The following PRKCH variants were observed in gnomAD, a reference collection of about 807,000 sequenced individuals.
PRKCH encodes the protein protein kinase C eta type.
Under a neutral mutation model 82.5 loss-of-function variants are expected in PRKCH, and 28 were observed. The observed-to-expected ratio is 0.34, with a 90% CI of 0.25 to 0.47. PRKCH has a LOEUF of 0.47. Ranked by LOEUF, PRKCH falls within the 20% of genes least tolerant of loss-of-function variation. The probability of loss-of-function intolerance (pLI) is 1.00; values close to 1 mark genes in which losing one functional copy is unlikely to be tolerated. For missense variants in PRKCH, 705 were observed against 881.8 expected (o/e 0.80, Z 2.54); for synonymous variants, 322 against 327.4 (o/e 0.98, Z 0.18).
intron 2 of PRKCH, among the ~76,000 whole-genome samples, chr14:61,424,691 A>C (rs1381353013): frequency 1.3e-5 from 2 of 152,254 alleles, no homozygotes; most frequent in Non-Finnish European, 2.9e-5. Flanking sequence ...CTGGCTGCAG[A>C]AATTTGCGTA....
intron 12 of PRKCH, 133 bp from the exon 13 acceptor site, chr14:61,547,610 A>T (rs1254005581): frequency 8.6e-7 from 1 of 1,160,286 alleles, no homozygotes; most frequent in Non-Finnish European, 1.2e-6. Flanking sequence ...CCTGTGATGG[A>T]AAACCCAGCT....
At chr14:61,433,986 A>G (rs1168445460) in intron 2 of PRKCH, among the ~76,000 whole-genome samples, 4 of 152,244 alleles carry the variant, frequency 2.6e-5, no homozygotes, top group Admixed American at 2.0e-4. Context: ...AATGACAACA[A>G]TAAATCAAAA....
At chr14:61,363,206 A>G (rs1342876294) in intron 1 of PRKCH, among the ~76,000 whole-genome samples, 1 of 152,216 alleles carries the variant, frequency 6.6e-6, no homozygotes. Context: ...ATGAAAAGCC[A>G]AGTATACTCT....
rs1884187189 is a variant in PRKCH, at chr14:61,445,686, C to T, written c.579-6C>T. 3.4e-5 allele frequency: 54 copies of T among 1,608,450 alleles called. No individual in the cohort carries two copies. The highest frequency in any genetic ancestry group is 4.5e-5 in the Non-Finnish European group (53 of 1,174,954). ...TGACTGATGGTAGTTTTCTTCTCTT[C>T]AACAGGGGAGTGTTTGGGAAACAGG... is the stretch of plus-strand genomic sequence containing the variant. On this transcript the variant is annotated splice_region_variant and splice_polypyrimidine_tract_variant and intron_variant, in intron 3 of 13. Transcript: ENST00000332981.
chr14:61,297,642 T>C (rs1466425731), intron 1 of PRKCH, among the ~76,000 whole-genome samples: 1 of 152,230 alleles, frequency 6.6e-6, no homozygotes, highest in Non-Finnish European at 1.5e-5. Context: ...CCTAGATCCC[T>C]TAAATCCGCT....
Position 61,363,565 on chromosome 14 carries a change from A to C in PRKCH, c.364-27660A>C, listed in dbSNP as rs1047980379. On this transcript the variant is annotated intron_variant, in intron 1 of 13. Coordinates refer to ENST00000332981, the MANE Select transcript of PRKCH (RefSeq NM_006255.5). ...TTTGAACCTGGGGAATATAGGAGGA[A>C]GAATGGGTATGTAGGGGCCAAGGTA... Among the ~76,000 whole-genome samples, 18 of 152,290 alleles carry C rather than the reference A, an allele frequency of 1.2e-4. 1 individual carries two copies. Among genetic ancestry groups the C allele is most frequent in the Admixed American group, 1.2e-3 (18 of 15,288 alleles).
At chr14:61,346,298 C>A (rs544866314) in intron 1 of PRKCH, among the ~76,000 whole-genome samples, 1 of 152,158 alleles carries the variant, frequency 6.6e-6, no homozygotes, top group Admixed American at 6.5e-5. Context: ...GCTGGCTACA[C>A]TATCCATTTC....
chr14:61,282,460 G>A (rs1409712241), intron 1 of PRKCH, among the ~76,000 whole-genome samples: 3 of 151,832 alleles, frequency 2.0e-5, no homozygotes, highest in African/African-American at 7.3e-5. Context: ...TTATATTCAG[G>A]AGTCATTCAA....
intron 1 of PRKCH, chr14:61,307,269 T>C (rs2045491458): frequency 1.3e-5 from 2 of 152,214 alleles, no homozygotes. Context: ...AATAACTTTT[T>C]TTCCTACTGG....
chr14:61,397,681 C>T (rs761697618), intron 2 of PRKCH, among the ~76,000 whole-genome samples: 1 of 152,152 alleles, frequency 6.6e-6, no homozygotes, highest in Non-Finnish European at 1.5e-5. Flanking sequence ...ACTGTTTCAC[C>T]AGATTGTTTA....
At chr14:61,192,344 G>A (rs2140033085) in intron 1 of PRKCH, among the ~76,000 whole-genome samples, 1 of 152,242 alleles carries the variant, frequency 6.6e-6, no homozygotes, top group Non-Finnish European at 1.5e-5. Context: ...ACAACTCTGA[G>A]CCTAGGTTTC....
chr14:61,370,299 G>A (rs1049806545), intron 1 of PRKCH, among the ~76,000 whole-genome samples: 1 of 152,066 alleles, frequency 6.6e-6, no homozygotes, highest in African/African-American at 2.4e-5. Context: ...ACTTTCTTTG[G>A]TTGTTGGAGA....
Position 61,365,500 on chromosome 14 carries a change from T to C in PRKCH, c.364-25725T>C, listed in dbSNP as rs183366541. Among the ~76,000 whole-genome samples, 5 of 152,204 alleles carry C rather than the reference T, an allele frequency of 3.3e-5. No individual in the cohort carries two copies. The East Asian group carries it at 9.6e-4, about 29-fold the overall frequency. On this transcript the variant is annotated intron_variant, in intron 1 of 13. Coordinates refer to ENST00000332981, the MANE Select transcript of PRKCH (RefSeq NM_006255.5). ...GTAGACTACAAGTGTAGAGGGAAAA[T>C]GTATTTCACGTATTTCACTGGGTAA...
intron 7 of PRKCH, among the ~76,000 whole-genome samples, chr14:61,454,572 C>T (rs1352202346): frequency 6.6e-6 from 1 of 152,190 alleles, no homozygotes; most frequent in Non-Finnish European, 1.5e-5. Flanking sequence ...ATCTCAGAGG[C>T]TCTGCACAGC....
chr14:61,405,460 C>T (rs2140224258), intron 2 of PRKCH, among the ~76,000 whole-genome samples: 1 of 152,032 alleles, frequency 6.6e-6, no homozygotes, highest in East Asian at 1.9e-4. Context: ...TCACTGCAAC[C>T]TCCACCTCCC....
At chr14:61,393,222 A>G (rs1411759018) in intron 2 of PRKCH, among the ~76,000 whole-genome samples, 3 of 151,912 alleles carry the variant, frequency 2.0e-5, no homozygotes, top group Non-Finnish European at 4.4e-5. Context: ...TCTTTTTTGT[A>G]TGTTTAAGGT....
At chr14:61,420,684 A>T (rs1882791009) in intron 2 of PRKCH, among the ~76,000 whole-genome samples, 1 of 152,232 alleles carries the variant, frequency 6.6e-6, no homozygotes, top group African/African-American at 2.4e-5. Flanking sequence ...CATGACCACT[A>T]CAGTTAGCCT....
chr14:61,466,486 G>C (rs1407858363), intron 9 of PRKCH, among the ~76,000 whole-genome samples: 5 of 152,156 alleles, frequency 3.3e-5, no homozygotes, highest in African/African-American at 1.2e-4. Context: ...CTCCTGGAGA[G>C]AGAGGAACAA....
chr14:61,501,534 C>G (rs1347165763), intron 10 of PRKCH, among the ~76,000 whole-genome samples: 1 of 151,808 alleles, frequency 6.6e-6, no homozygotes, highest in Non-Finnish European at 1.5e-5. Flanking sequence ...ATCTTGAGCT[C>G]TTTTTTGTTC....
Sources: allele counts gnomAD v4.1 joint callset (sites outside exome capture counted in the v4.1 genomes callset), GRCh38; gene constraint gnomAD v4.1.1; transcripts MANE v1.5; gene names NCBI Gene and HGNC (gene_info 2026-07-23, HGNC 2026-07-21).